ANK1: variants seen among roughly 807,000 people sequenced by gnomAD.
ANK1 encodes the protein ankyrin 1.
A neutral mutation model predicts 210.4 loss-of-function variants in ANK1; 51 were observed. The observed-to-expected ratio is 0.24, with a 90% CI of 0.19 to 0.31. The LOEUF (loss-of-function observed/expected upper bound fraction) is 0.31. Ranked by LOEUF, ANK1 falls within the 10% of genes least tolerant of loss-of-function variation. ANK1 has a pLI of 1.00. For synonymous variants in ANK1, 967 were observed against 1,025.9 expected (o/e 0.94, Z 1.10); for missense variants, 2,051 against 2,504.4 (o/e 0.82, Z 3.86).
intron 1 of ANK1, among the ~76,000 whole-genome samples, chr8:41,818,970 G>A (rs1209762430): frequency 1.3e-5 from 2 of 152,158 alleles, no homozygotes; most frequent in Non-Finnish European, 1.5e-5. Context: ...CCTAACATAT[G>A]CACAGTAAAG....
At chr8:41,783,554 C>T (rs942004146) in intron 1 of ANK1, among the ~76,000 whole-genome samples, 3 of 152,168 alleles carry the variant, frequency 2.0e-5, no homozygotes, top group African/African-American at 7.2e-5. Flanking sequence ...GAACCCCTGC[C>T]TACGTCCATC....
chr8:41,662,256 CA>C (rs11411870), intron 40 of ANK1, among the ~76,000 whole-genome samples: 139 of 139,570 alleles, frequency 1.0e-3, no homozygotes, highest in South Asian at 4.4e-3. Context: ...CACTCTGTGT[CA>C]AAAAAAAAAA....
chr8:41,766,579 C>T (rs192460749), intron 1 of ANK1, among the ~76,000 whole-genome samples: 11 of 152,324 alleles, frequency 7.2e-5, no homozygotes, highest in African/African-American at 2.6e-4. Flanking sequence ...GGGAAAACCC[C>T]TGGGGTTCCC....
chr8:41,881,957 A>G lies in ANK1; in HGVS notation c.126+14398T>C, dbSNP rs572951493. Among the ~76,000 whole-genome samples the G allele has an allele frequency of 2.0e-5, 3 of 152,242 alleles. No homozygotes were observed. The East Asian group carries it at 5.8e-4, about 29-fold the overall frequency. On this transcript the variant is annotated intron_variant, in intron 1 of 42. Transcript: ENST00000265709. ...CACGGGGCCTGGCTCTTTTCCTGCT[A>G]GTAGCTGGGTGGGCAGTTGATAGAC...
intron 1 of ANK1, among the ~76,000 whole-genome samples, chr8:41,782,891 G>A (rs1845622293): frequency 6.6e-6 from 1 of 152,108 alleles, no homozygotes; most frequent in Non-Finnish European, 1.5e-5. Context: ...AAAGTCCCAA[G>A]ATTTCTAACT....
intron 1 of ANK1, chr8:41,840,215 G>C (rs1808613364): frequency 6.6e-6 from 1 of 151,950 alleles, no homozygotes. Context: ...CCCACTCCCG[G>C]GATGTCACCA....
rs181245993 is a variant in ANK1 at position 41,886,568 on chromosome 8, A to C, written c.126+9787T>G. On this transcript the variant is annotated intron_variant, in intron 1 of 42. Coordinates refer to the ANK1 transcript ENST00000265709. ...GTATGGGACAGGGGAGCCCAACCTC[A>C]TCTAGGACACTGGAGGCAATGTTTC... 5.3e-5 allele frequency among the ~76,000 whole-genome samples: 8 copies of C among 152,290 alleles called. No homozygotes were observed. The East Asian group carries it at 1.5e-3, about 29-fold the overall frequency.
intron 1 of ANK1, among the ~76,000 whole-genome samples, chr8:41,830,467 C>T (rs1367962854): frequency 6.6e-6 from 1 of 151,988 alleles, no homozygotes; most frequent in Non-Finnish European, 1.5e-5. Context: ...ATCCCGTCAA[C>T]TTGATCCAAA....
intron 2 of ANK1, among the ~76,000 whole-genome samples, chr8:41,751,652 C>A (rs553409324): frequency 6.6e-6 from 1 of 152,098 alleles, no homozygotes; most frequent in Non-Finnish European, 1.5e-5. Flanking sequence ...GCCTGGGCAG[C>A]AAGTCCTCTG....
chr8:41,751,046 G>T (rs1412121187), intron 2 of ANK1, among the ~76,000 whole-genome samples: 1 of 152,164 alleles, frequency 6.6e-6, no homozygotes, highest in Non-Finnish European at 1.5e-5. Context: ...TAGGAATTCA[G>T]GGGACACAGG....
chr8:41,692,848 C>G lies in ANK1; in HGVS notation c.3658G>C (p.Ala1220Pro), dbSNP rs779240803. 4 of 1,614,064 alleles carry G rather than the reference C, an allele frequency of 2.5e-6. No individual in the cohort carries two copies. The South Asian group carries it at 4.4e-5, about 18-fold the overall frequency. ...RFWLSDCPRTAEAVNFATLLY... is the reference protein window; with the variant it reads ...RFWLSDCPRTPEAVNFATLLY... ...AGGGTGGCAAAGTTCACAGCCTCAG[C>G]AGTCCGAGGACAGTCCGACAGCCAA... Residue 1220 changes from alanine to proline, a missense_variant, in exon 31 of 43, where the codon GCT becomes CCT. By Grantham distance (27) the Ala-to-Pro change is conservative. Around this residue, in one of 6 missense-constraint regions of ANK1, gnomAD observed 1,413 missense variants for 1,707.4 expected, o/e 0.83. Coordinates refer to ENST00000289734, the MANE Select transcript of ANK1 (RefSeq NM_000037.4).
chr8:41,833,525 G>A (rs999747658), intron 1 of ANK1, among the ~76,000 whole-genome samples: 24 of 152,232 alleles, frequency 1.6e-4, no homozygotes, highest in Admixed American at 2.0e-4. Flanking sequence ...AAACGGAAGC[G>A]TGGGGATTTA....
chr8:41,746,357 T>G (rs1836131915), intron 2 of ANK1, among the ~76,000 whole-genome samples: 1 of 152,158 alleles, frequency 6.6e-6, no homozygotes, highest in Non-Finnish European at 1.5e-5. Context: ...ATCTGTCTCT[T>G]GCCTAGGGAC....
intron 27 of ANK1, 26 bp downstream of exon 27, chr8:41,695,151 C>T (rs1820489579): frequency 6.2e-7 from 1 of 1,613,758 alleles, no homozygotes; most frequent in African/African-American, 1.3e-5. Context: ...AGGAGGGGAC[C>T]CAGCCCTGGG....
chr8:41,823,261 G>C (rs1407259254), intron 1 of ANK1, among the ~76,000 whole-genome samples: 2 of 152,146 alleles, frequency 1.3e-5, no homozygotes, highest in East Asian at 1.9e-4. Context: ...GAGAGAAGTG[G>C]TTGCTGTAGA....
intron 1 of ANK1, among the ~76,000 whole-genome samples, chr8:41,847,759 C>T (rs151002184): frequency 9.0e-4 from 137 of 152,292 alleles, no homozygotes; most frequent in African/African-American, 3.0e-3. Flanking sequence ...TCCCCACATA[C>T]GCACCCAAAT....
chr8:41,833,459 G>T (rs1807056975), intron 1 of ANK1, among the ~76,000 whole-genome samples: 1 of 152,208 alleles, frequency 6.6e-6, no homozygotes, highest in Admixed American at 6.5e-5. Flanking sequence ...TATATTAAAA[G>T]CTCCAGCAGA....
intron 2 of ANK1, among the ~76,000 whole-genome samples, chr8:41,757,627 G>A (rs943133883): frequency 6.6e-6 from 1 of 152,142 alleles, no homozygotes; most frequent in African/African-American, 2.4e-5. Flanking sequence ...CTCGTTCCTC[G>A]ACTTTCTTCT....
upstream of ANK1, among the ~76,000 whole-genome samples, chr8:41,801,340 A>G (rs1389633996): frequency 6.6e-6 from 1 of 152,176 alleles, no homozygotes; most frequent in Non-Finnish European, 1.5e-5. Flanking sequence ...ATTCTTATAA[A>G]AGCTTCCCAG....
Sources: allele counts gnomAD v4.1 joint callset (sites outside exome capture counted in the v4.1 genomes callset), GRCh38; gene constraint gnomAD v4.1.1; regional missense constraint gnomAD v4.1.1; transcripts MANE v1.5; gene names NCBI Gene and HGNC (gene_info 2026-07-23, HGNC 2026-07-21).